Variants in PRDM11 observed in about 807,000 individuals in gnomAD.
PRDM11 encodes the protein PR/SET domain 11.
Under a neutral mutation model 97.8 loss-of-function variants are expected in PRDM11, and 20 were observed. The ratio of observed to expected loss-of-function variants is 0.20; its 90% CI spans 0.14 to 0.30. PRDM11 has a LOEUF of 0.30. Ranked by LOEUF, PRDM11 falls within the 10% of genes least tolerant of loss-of-function variation. The probability of loss-of-function intolerance (pLI) is 1.00; values close to 1 mark genes in which losing one functional copy is unlikely to be tolerated. For missense variants in PRDM11, 1,139 were observed against 1,555.2 expected, an observed-to-expected ratio of 0.73 and a Z score of 4.50; for synonymous variants, 599 against 637.7, an observed-to-expected ratio of 0.94 and a Z score of 0.91.
chr11:45,179,067 A>C (rs1462539350), intron 1 of PRDM11, among the ~76,000 whole-genome samples: 1 of 152,170 alleles, frequency 6.6e-6, no homozygotes, highest in African/African-American at 2.4e-5. Flanking sequence ...GGTGTTCTGC[A>C]GGCTAGGACT....
rs1854343254 is a variant in PRDM11 at position 45,228,975 on chromosome 11, A to AT, written c.*816_*817insT. The stretch of plus-strand genomic sequence containing the variant: ...GAGCTTGAAATCCTGGGGAAGGGAG[A>AT]AGGGGTAAGCTTTTAGCATTCCTGT... On this transcript the variant is annotated 3_prime_UTR_variant, in exon 8 of 8. Transcript: ENST00000683152. 6.6e-6 allele frequency: 1 copy of AT among 152,236 alleles called. No homozygotes were observed. Among genetic ancestry groups the AT allele is most frequent in the South Asian group, 2.1e-4 (1 of 4,808 alleles). 9.4% of individuals were successfully genotyped at this position (152,236 alleles called of 1,614,324 possible).
chr11:45,149,078 CCCAT>C, intron 1 of PRDM11, among the ~76,000 whole-genome samples: 1 of 152,240 alleles, frequency 6.6e-6, no homozygotes, highest in Admixed American at 6.5e-5. Flanking sequence ...CTCAAATGAA[CCCAT>C]CCACTTCTCT....
intron 1 of PRDM11, among the ~76,000 whole-genome samples, chr11:45,147,125 C>G (rs1037363867): frequency 2.6e-5 from 4 of 151,216 alleles, no homozygotes; most frequent in East Asian, 2.0e-4. Context: ...CCGCGGGAGC[C>G]GGGGGCCGCC....
intron 1 of PRDM11, among the ~76,000 whole-genome samples, chr11:45,158,266 C>G (rs1177374334): frequency 1.3e-5 from 2 of 152,316 alleles, no homozygotes; most frequent in East Asian, 3.9e-4. Context: ...TGGCCACAAG[C>G]CCACGGAGGC....
chr11:45,097,598 C>A (rs1003080867), intron 1 of PRDM11, among the ~76,000 whole-genome samples: 1 of 152,218 alleles, frequency 6.6e-6, no homozygotes, highest in African/African-American at 2.4e-5. Flanking sequence ...TTGAACTCTA[C>A]TGCACACATA....
intron 1 of PRDM11, chr11:45,095,934 CT>C (rs1274437201): frequency 1.3e-6 from 1 of 777,738 alleles, no homozygotes. Context: ...GTGGGGGCTC[CT>C]CAAAACGCTT....
intron 1 of PRDM11, among the ~76,000 whole-genome samples, chr11:45,136,197 T>C (rs1852839313): frequency 6.6e-6 from 1 of 152,208 alleles, no homozygotes; most frequent in African/African-American, 2.4e-5. Context: ...AAACATAATA[T>C]CTAGTTTTTA....
intron 1 of PRDM11, among the ~76,000 whole-genome samples, chr11:45,173,880 TTTTC>T (rs1391925608): frequency 6.6e-6 from 1 of 152,142 alleles, no homozygotes; most frequent in Non-Finnish European, 1.5e-5. Flanking sequence ...AGCAGATGGT[TTTTC>T]TTTATGTTTA....
chr11:45,116,995 G>A (rs1044896276), intron 1 of PRDM11, among the ~76,000 whole-genome samples: 6 of 152,190 alleles, frequency 3.9e-5, no homozygotes, highest in African/African-American at 1.4e-4. Flanking sequence ...AGGCCAAGGT[G>A]GGAGGATTAC....
intron 1 of PRDM11, among the ~76,000 whole-genome samples, chr11:45,150,657 A>G (rs895220239): frequency 1.3e-5 from 2 of 152,108 alleles, no homozygotes; most frequent in African/African-American, 4.8e-5. Context: ...TGTGCCAGGG[A>G]TGTAGCATAG....
chr11:45,153,905 T>C (rs995001158), intron 1 of PRDM11, among the ~76,000 whole-genome samples: 2 of 152,212 alleles, frequency 1.3e-5, no homozygotes, highest in African/African-American at 4.8e-5. Flanking sequence ...ATGAGGAACC[T>C]TGGGGCTCAG....
chr11:45,181,075 G>A (rs1437161276), intron 1 of PRDM11, among the ~76,000 whole-genome samples: 1 of 152,174 alleles, frequency 6.6e-6, no homozygotes, highest in Non-Finnish European at 1.5e-5. Flanking sequence ...CAGGCTGCGT[G>A]CCACCCTCGC....
chr11:45,168,528 G>A (rs1203280045), intron 1 of PRDM11, among the ~76,000 whole-genome samples: 1 of 152,142 alleles, frequency 6.6e-6, no homozygotes, highest in Non-Finnish European at 1.5e-5. Flanking sequence ...GTGGCCTTGA[G>A]GTTTCCTCCC....
chr11:45,185,638 A>G (rs779488139), intron 4 of PRDM11, among the ~76,000 whole-genome samples: 9 of 152,168 alleles, frequency 5.9e-5, no homozygotes, highest in Non-Finnish European at 1.3e-4. Context: ...GAGGGTTCAC[A>G]TGGAGATACT....
intron 4 of PRDM11, among the ~76,000 whole-genome samples, chr11:45,191,806 T>TTTA (rs34652553): frequency 0.58 from 85,440 of 147,990 alleles, 27,067 homozygotes; most frequent in Non-Finnish European, 0.73. Context: ...CAAACTAGGT[T>TTTA]TTATTATTAT....
chr11:45,126,924 CAG>C (rs1459539371), intron 1 of PRDM11, among the ~76,000 whole-genome samples: 1 of 152,226 alleles, frequency 6.6e-6, no homozygotes, highest in Non-Finnish European at 1.5e-5. Flanking sequence ...TAATATCCTG[CAG>C]AGTGTTTTCC....
chr11:45,169,265 T>C (rs1244014208), intron 1 of PRDM11, among the ~76,000 whole-genome samples: 1 of 152,246 alleles, frequency 6.6e-6, no homozygotes, highest in Non-Finnish European at 1.5e-5. Context: ...AGTATATTTT[T>C]AAAATCAGAA....
intron 5 of PRDM11, among the ~76,000 whole-genome samples, chr11:45,205,798 TG>T (rs1175915473): frequency 2.0e-5 from 3 of 152,200 alleles, no homozygotes; most frequent in Non-Finnish European, 4.4e-5. Flanking sequence ...TCCTTCCCAG[TG>T]GCTCCACTGC....
At chr11:45,210,022 A>T (rs571890259) in intron 5 of PRDM11, among the ~76,000 whole-genome samples, 1 of 152,198 alleles carries the variant, frequency 6.6e-6, no homozygotes, top group Non-Finnish European at 1.5e-5. Flanking sequence ...GGCACGTTCC[A>T]GGAACAGTGA....
Sources: allele counts gnomAD v4.1 joint callset (sites outside exome capture counted in the v4.1 genomes callset), GRCh38; gene constraint gnomAD v4.1.1; transcripts MANE v1.5; gene names NCBI Gene and HGNC (gene_info 2026-07-23, HGNC 2026-07-21).